The following TAFA2 variants were observed in gnomAD, a reference collection of about 807,000 sequenced individuals.
TAFA2 encodes the protein chemokine-like protein TAFA-2.
TAFA2 carries 7 observed loss-of-function variants against 18.8 expected under a neutral mutation model. The observed-to-expected ratio is 0.37, with a 90% CI of 0.21 to 0.70. TAFA2 has a LOEUF of 0.70. Among genes scored for constraint, TAFA2 ranks in the 30% least tolerant of loss-of-function variants. The pLI is 0.53. For synonymous variants in TAFA2, 60 were observed against 54.2 expected (o/e 1.11, Z -0.47); for missense variants, 122 against 158.1 (o/e 0.77, Z 1.23).
intron 1 of TAFA2, among the ~76,000 whole-genome samples, chr12:62,127,344 T>C (rs1870505313): frequency 6.6e-6 from 1 of 152,052 alleles, no homozygotes; most frequent in African/African-American, 2.4e-5. Flanking sequence ...AAGTCTTTCC[T>C]TTCTCCATTG....
intron 1 of TAFA2, among the ~76,000 whole-genome samples, chr12:61,921,824 C>G (rs1877066815): frequency 2.0e-5 from 3 of 152,040 alleles, no homozygotes; most frequent in Admixed American, 2.0e-4. Flanking sequence ...AACTCAGGGT[C>G]TCACTAACAT....
chr12:62,058,899 C>G (rs571455271), intron 1 of TAFA2, among the ~76,000 whole-genome samples: 118 of 152,152 alleles, frequency 7.8e-4, no homozygotes, highest in Non-Finnish European at 1.4e-3. Context: ...GCCAGGCGAT[C>G]GAGACTATCC....
chr12:62,048,578 A>G (rs1565727829), intron 1 of TAFA2, among the ~76,000 whole-genome samples: 1 of 152,118 alleles, frequency 6.6e-6, no homozygotes, highest in African/African-American at 2.4e-5. Flanking sequence ...TATTTCCCCA[A>G]TTTTCAAATC....
At chr12:61,985,757 A>G (rs1457933375) in intron 1 of TAFA2, among the ~76,000 whole-genome samples, 2 of 152,166 alleles carry the variant, frequency 1.3e-5, no homozygotes, top group African/African-American at 4.8e-5. Context: ...ATTTATTTCC[A>G]CGGAATTATG....
chr12:62,257,817 C>T (rs1411197026), intron 1 of TAFA2, among the ~76,000 whole-genome samples: 1 of 152,106 alleles, frequency 6.6e-6, no homozygotes, highest in African/African-American at 2.4e-5. Flanking sequence ...GGTGAAGTAG[C>T]TTTTCTCATC....
rs1030562600 is a variant in TAFA2 at position 62,191,885 on chromosome 12, G to A, written c.-628C>T. 9.2e-5 allele frequency: 14 copies of A among 152,526 alleles called. No homozygotes were observed. Among genetic ancestry groups the A allele is most frequent in the African/African-American group, 3.1e-4 (13 of 41,436 alleles). The allele number at this position is 152,526 out of a possible 1,614,324, so 9.4% of individuals were successfully genotyped here. A position where few individuals can be genotyped will look rare whatever the true frequency, so the allele number is the denominator to read the frequency against. The stretch of plus-strand genomic sequence containing the variant: ...CCCGCCCTCCCTCTTGTTCTCTGGG[G>A]AAAGGCAATTGGACAGAATGATTCA... On this transcript the variant is annotated 5_prime_UTR_variant, in exon 1 of 5. Transcript: ENST00000416284.
At chr12:62,161,129 G>A (rs980380170) in intron 1 of TAFA2, among the ~76,000 whole-genome samples, 7 of 152,014 alleles carry the variant, frequency 4.6e-5, no homozygotes, top group African/African-American at 1.2e-4. Flanking sequence ...TACAACTTTC[G>A]CTTTGCAAAC....
In TAFA2 at chr12:62,106,046, G is replaced by C. The variant is rs138330677; in HGVS notation, c.-2+85213C>G. 1.1e-3 allele frequency among the ~76,000 whole-genome samples: 174 copies of C among 152,122 alleles called. 1 individual carries two copies. Among genetic ancestry groups the C allele is most frequent in the East Asian group, 6.6e-3 (34 of 5,166 alleles). ...GTAAAAAGAAATGTCATAAAGAAAA[G>C]TATAGGCCGGGCGCGGTGGCTCACG... On this transcript the variant is annotated intron_variant, in intron 1 of 4. Transcript: ENST00000416284.
intron 4 of TAFA2, among the ~76,000 whole-genome samples, chr12:61,716,171 A>G (rs1352152259): frequency 1.3e-5 from 2 of 152,128 alleles, no homozygotes; most frequent in African/African-American, 4.8e-5. Flanking sequence ...ATATGTGTAA[A>G]TTTTTGGCCA....
intron 2 of TAFA2, among the ~76,000 whole-genome samples, chr12:61,771,501 CT>C (rs1378181189): frequency 6.6e-6 from 1 of 151,704 alleles, no homozygotes; most frequent in Non-Finnish European, 1.5e-5. Flanking sequence ...TCTCAATAAA[CT>C]TAAGAAAATT....
intron 1 of TAFA2, among the ~76,000 whole-genome samples, chr12:62,108,829 G>C (rs1211204933): frequency 5.3e-5 from 8 of 152,030 alleles, no homozygotes; most frequent in Admixed American, 5.2e-4. Context: ...CTTTTTGAAG[G>C]AGTTGTTTTT....
intron 4 of TAFA2, among the ~76,000 whole-genome samples, chr12:61,748,448 C>T (rs1265605501): frequency 6.6e-6 from 1 of 152,082 alleles, no homozygotes; most frequent in East Asian, 1.9e-4. Context: ...TATTCTAAAC[C>T]TGTACTTAAA....
chr12:61,975,965 A>T (rs1879418554), intron 1 of TAFA2, among the ~76,000 whole-genome samples: 1 of 151,800 alleles, frequency 6.6e-6, no homozygotes, highest in African/African-American at 2.4e-5. Flanking sequence ...ATCATTTCAC[A>T]ATGTGTACAT....
In TAFA2 at chr12:62,004,904, C is replaced by T. The variant is rs75130342; in HGVS notation, c.-1-137478G>A. ...ACATGGATGAACCTAGAGAACATCA[C>T]GCTACATTAAATAAGCCAGAAACAC... is the stretch of plus-strand genomic sequence containing the variant. On this transcript the variant is annotated intron_variant, in intron 1 of 4. Transcript: ENST00000416284. 8.9e-3 allele frequency among the ~76,000 whole-genome samples: 1,352 copies of T among 152,080 alleles called. 11 individuals carry two copies. The highest frequency in any genetic ancestry group is 0.014 in the Non-Finnish European group (925 of 67,910).
At chr12:62,162,803 ACT>A (rs776343767) in intron 1 of TAFA2, among the ~76,000 whole-genome samples, 2 of 152,072 alleles carry the variant, frequency 1.3e-5, no homozygotes, top group Non-Finnish European at 2.9e-5. Context: ...AATTAAAAGA[ACT>A]CTATATTACT....
At chr12:61,782,791 G>A (rs1870560985) in intron 2 of TAFA2, among the ~76,000 whole-genome samples, 1 of 151,666 alleles carries the variant, frequency 6.6e-6, no homozygotes, top group Non-Finnish European at 1.5e-5. Context: ...CACTGTTTAG[G>A]AGAAGTTTTA....
In TAFA2 at chr12:62,000,403, G is replaced by A. The variant is rs77568499; in HGVS notation, c.-1-132977C>T. On this transcript the variant is annotated intron_variant, in intron 1 of 4. Transcript: ENST00000416284. ...GAACTAGATTCCATACCAAATGTTGGCAAGGATGTGGAGTACATGGACCTC... is the reference window on the plus strand; with the variant it reads ...GAACTAGATTCCATACCAAATGTTGACAAGGATGTGGAGTACATGGACCTC... Among the ~76,000 whole-genome samples, 892 of 146,230 alleles carry A rather than the reference G, an allele frequency of 6.1e-3. 63 individuals carry two copies. Among genetic ancestry groups the A allele is most frequent in the African/African-American group, 0.021 (855 of 40,724 alleles).
chr12:61,873,316 T>C (rs1874701851), intron 1 of TAFA2, among the ~76,000 whole-genome samples: 2 of 151,460 alleles, frequency 1.3e-5, no homozygotes, highest in Non-Finnish European at 2.9e-5. Flanking sequence ...TTATTATTAT[T>C]ATACTTTAAG....
intron 1 of TAFA2, among the ~76,000 whole-genome samples, chr12:61,919,418 G>A (rs1876957008): frequency 6.6e-6 from 1 of 152,004 alleles, no homozygotes; most frequent in South Asian, 2.1e-4. Flanking sequence ...CTGAATATCT[G>A]TTTCACAGAT....
Sources: allele counts gnomAD v4.1 joint callset (sites outside exome capture counted in the v4.1 genomes callset), GRCh38; gene constraint gnomAD v4.1.1; transcripts MANE v1.5; gene names NCBI Gene and HGNC (gene_info 2026-07-23, HGNC 2026-07-21).